The following ATP11A variants were observed in gnomAD, a reference collection of about 807,000 sequenced individuals.
ATP11A encodes the protein phospholipid-transporting ATPase IH.
In ATP11A, 81 loss-of-function variants were observed where a neutral mutation model predicts 154.4. The observed-to-expected ratio is 0.52, with a 90% CI of 0.44 to 0.63. The LOEUF (loss-of-function observed/expected upper bound fraction) is 0.63, where lower values mean the gene tolerates loss of function less well. Among genes scored for constraint, ATP11A ranks in the 30% least tolerant of loss-of-function variants. The pLI, the probability that ATP11A is intolerant of heterozygous loss-of-function variation, is 0.00. For synonymous variants in ATP11A, 623 were observed against 585.9 expected, an observed-to-expected ratio of 1.06 and a Z score of -0.91; for missense variants, 1,316 against 1,474.3, an observed-to-expected ratio of 0.89 and a Z score of 1.76.
At position 112,878,323 on chromosome 13, in the gene ATP11A, C is replaced by T. The variant is rs2140441946; in HGVS notation, c.*9+20C>T. 6.2e-7 allele frequency: 1 copy of T among 1,612,304 alleles called. No individual in the cohort carries two copies. Among genetic ancestry groups the T allele is most frequent in the East Asian group, 2.2e-5 (1 of 44,884 alleles). ...AACAAGGTGATGCTCCTCTGCCTTC[C>T]ACGCACCTGGGATGGTAGACACGGG... On this transcript the variant is annotated intron_variant, in intron 29 of 29. Coordinates refer to ENST00000375645, the MANE Select transcript of ATP11A (RefSeq NM_015205.3).
intron 13 of ATP11A, among the ~76,000 whole-genome samples, chr13:112,832,274 C>T (rs1331059033): frequency 6.6e-6 from 1 of 152,218 alleles, no homozygotes; most frequent in Non-Finnish European, 1.5e-5. Context: ...GGATCAGGTC[C>T]CAGCCGGCTG....
intron 14 of ATP11A, 121 bp downstream of exon 14, chr13:112,833,144 C>G (rs2079143449): frequency 7.9e-7 from 1 of 1,272,996 alleles, no homozygotes; most frequent in Non-Finnish European, 1.1e-6. Flanking sequence ...CCACACTGAG[C>G]TGTGCTGCCT....
intron 25 of ATP11A, among the ~76,000 whole-genome samples, chr13:112,868,367 G>T (rs1163427888): frequency 6.6e-6 from 1 of 152,214 alleles, no homozygotes; most frequent in Admixed American, 6.5e-5. Flanking sequence ...GGTCTGGTCT[G>T]AGGACTTTTT....
chr13:112,858,417 A>G (rs1054891895), intron 22 of ATP11A, 127 bp downstream of exon 22: 10 of 1,018,580 alleles, frequency 9.8e-6, no homozygotes, highest in Non-Finnish European at 1.2e-5. Flanking sequence ...ACTGTCAGAA[A>G]GGAAGGGGTG....
At chr13:112,864,384 C>G (rs1328329505) in intron 25 of ATP11A, among the ~76,000 whole-genome samples, 2 of 84,858 alleles carry the variant, frequency 2.4e-5, no homozygotes, top group African/African-American at 8.2e-5. Flanking sequence ...CCACGTGCGC[C>G]ATAATTCAGC....
intron 1 of ATP11A, among the ~76,000 whole-genome samples, chr13:112,724,689 G>A (rs541123849): frequency 2.0e-5 from 3 of 150,070 alleles, no homozygotes; most frequent in Non-Finnish European, 4.5e-5. Flanking sequence ...GGTGAGGCCG[G>A]CCCCCCCCCA....
intron 1 of ATP11A, among the ~76,000 whole-genome samples, chr13:112,755,523 C>T (rs575598799): frequency 1.3e-5 from 2 of 152,270 alleles, no homozygotes; most frequent in Non-Finnish European, 2.9e-5. Context: ...AGAAGAGCCT[C>T]CCTGCAGGAC....
chr13:112,722,269 G>A (rs1378827490), intron 1 of ATP11A, among the ~76,000 whole-genome samples: 4 of 150,714 alleles, frequency 2.7e-5, no homozygotes, highest in Non-Finnish European at 4.4e-5. Context: ...TAAGTGGGCC[G>A]GCGGGGGGTA....
At position 112,773,575 on chromosome 13, in the gene ATP11A, A is replaced by G. The variant is rs1026047489; in HGVS notation, c.40-11560A>G. Among the ~76,000 whole-genome samples the G allele has an allele frequency of 2.6e-5, 4 of 152,156 alleles. No individual in the cohort carries two copies. In the East Asian group the frequency reaches 7.7e-4, roughly 29 times the overall value. Reference sequence around the variant, plus strand: ...TCTGGGAAGCTGTAGCCCTTTTGTAAATGTGCAGCCCTGTGGCGGATGGGG... The same window carrying G: ...TCTGGGAAGCTGTAGCCCTTTTGTAGATGTGCAGCCCTGTGGCGGATGGGG... On this transcript the variant is annotated intron_variant, in intron 1 of 29. Transcript: ENST00000375645.
chr13:112,873,524 C>G (rs1199547725), intron 26 of ATP11A, 49 bp from the exon 27 acceptor site: 8 of 1,419,790 alleles, frequency 5.6e-6, no homozygotes, highest in Non-Finnish European at 7.7e-6. Flanking sequence ...CACGATCATT[C>G]TCACTGCTCA....
Position 112,807,435 on chromosome 13 carries a change from C to T in ATP11A, c.333+1142C>T, listed in dbSNP as rs912986121. On this transcript the variant is annotated intron_variant, in intron 4 of 29. Coordinates refer to ENST00000375645, the MANE Select transcript of ATP11A (RefSeq NM_015205.3). The surrounding 1 kb of genome is among the most constrained non-coding windows in gnomAD (Gnocchi z 4.5). Reference sequence around the variant, plus strand: ...TCCGTAAGGAAATGGACAGCTCCGCCGCGGTGCATGGCAGAACACAGCACA... The same window carrying T: ...TCCGTAAGGAAATGGACAGCTCCGCTGCGGTGCATGGCAGAACACAGCACA... Among the ~76,000 whole-genome samples, 11 of 152,198 alleles carry T rather than the reference C, an allele frequency of 7.2e-5. No homozygotes were observed. The highest frequency in any genetic ancestry group is 5.2e-4 in the Admixed American group (8 of 15,288).
rs556459862 is a variant in ATP11A, at chr13:112,783,393, C to G, written c.40-1742C>G. Among the ~76,000 whole-genome samples the G allele has an allele frequency of 1.2e-4, 19 of 152,334 alleles. No individual in the cohort carries two copies. The South Asian group carries it at 3.9e-3, about 32-fold the overall frequency. Reference sequence around the variant, plus strand: ...ACAAGTGTCTGTGCTGGGCCGGGCCCCTGGCCTTGTTCTGTTCCCGTTGCC... The same window carrying G: ...ACAAGTGTCTGTGCTGGGCCGGGCCGCTGGCCTTGTTCTGTTCCCGTTGCC... On this transcript the variant is annotated intron_variant, in intron 1 of 29. Transcript: ENST00000375645.
chr13:112,819,482 T>C (rs540282048), intron 7 of ATP11A, 75 bp downstream of exon 7: 86 of 1,276,298 alleles, frequency 6.7e-5, no homozygotes, highest in Non-Finnish European at 9.4e-5. Flanking sequence ...TCACCCCAAG[T>C]AGTCCAGCCA....
intron 2 of ATP11A, among the ~76,000 whole-genome samples, chr13:112,796,237 TC>T (rs1380758301): frequency 6.6e-6 from 1 of 152,166 alleles, no homozygotes; most frequent in Admixed American, 6.5e-5. Context: ...TTGGTTGCAT[TC>T]CCATGAAGAA....
intron 1 of ATP11A, among the ~76,000 whole-genome samples, chr13:112,709,924 A>G (rs1887551236): frequency 6.6e-6 from 1 of 152,240 alleles, no homozygotes; most frequent in Admixed American, 6.5e-5. Flanking sequence ...TAGCCCAGTT[A>G]GGCCGCGCTG....
intron 2 of ATP11A, among the ~76,000 whole-genome samples, chr13:112,793,548 G>A (rs893689667): frequency 8.5e-5 from 13 of 152,254 alleles, no homozygotes; most frequent in African/African-American, 3.1e-4. Context: ...ACGAATTTCC[G>A]GCATCAGCAA....
chr13:112,845,838 G>A (rs938816621), intron 17 of ATP11A, among the ~76,000 whole-genome samples: 2 of 151,498 alleles, frequency 1.3e-5, no homozygotes, highest in African/African-American at 2.4e-5. Context: ...GGCACTAGCA[G>A]TACTAACCAG....
intron 1 of ATP11A, among the ~76,000 whole-genome samples, chr13:112,762,321 G>A (rs528087485): frequency 6.6e-6 from 1 of 152,270 alleles, no homozygotes; most frequent in South Asian, 2.1e-4. Context: ...GCTGAGATTA[G>A]GAAATCGGTC....
chr13:112,701,061 T>C (rs998523592), intron 1 of ATP11A, among the ~76,000 whole-genome samples: 3 of 152,006 alleles, frequency 2.0e-5, no homozygotes, highest in African/African-American at 7.2e-5. Flanking sequence ...CAGGAGGACG[T>C]TGGGGGGCAG....
Sources: allele counts gnomAD v4.1 joint callset (sites outside exome capture counted in the v4.1 genomes callset), GRCh38; gene constraint gnomAD v4.1.1; non-coding constraint Gnocchi (gnomAD v3.1); transcripts MANE v1.5; gene names NCBI Gene and HGNC (gene_info 2026-07-23, HGNC 2026-07-21).